RTF1: variants seen among roughly 807,000 people sequenced by gnomAD.
RTF1 encodes the protein RTF1 homolog, Paf1/RNA polymerase II complex component.
In RTF1, 10 loss-of-function variants were observed where a neutral mutation model predicts 95.7. That is an observed-to-expected ratio of 0.10 (90% CI 0.06 to 0.18). The LOEUF is 0.18. RTF1 is among the 10% of genes least tolerant of loss of function. RTF1 has a pLI of 1.00. For missense variants in RTF1, 458 were observed against 875.6 expected (o/e 0.52, Z 6.02); for synonymous variants, 305 against 311.8 (o/e 0.98, Z 0.23).
intron 14 of RTF1, among the ~76,000 whole-genome samples, chr15:41,477,749 G>T (rs1176044681): frequency 6.6e-6 from 1 of 152,138 alleles, no homozygotes; most frequent in Non-Finnish European, 1.5e-5. Flanking sequence ...ACAGGTATTT[G>T]TTTTTTCTCA....
At chr15:41,474,073 C>A (rs1328328685) in intron 8 of RTF1, among the ~76,000 whole-genome samples, 1 of 152,056 alleles carries the variant, frequency 6.6e-6, no homozygotes, top group Non-Finnish European at 1.5e-5. Flanking sequence ...GACTGGGTCT[C>A]TCTGTGTTGC....
At chr15:41,425,703 A>G (rs989519924) in intron 1 of RTF1, among the ~76,000 whole-genome samples, 1 of 152,200 alleles carries the variant, frequency 6.6e-6, no homozygotes, top group Non-Finnish European at 1.5e-5. Context: ...TATTTATTAA[A>G]TGAAGGACTG....
At chr15:41,443,389 G>A (rs970401792) in intron 2 of RTF1, among the ~76,000 whole-genome samples, 5 of 152,194 alleles carry the variant, frequency 3.3e-5, no homozygotes, top group Non-Finnish European at 7.3e-5. Context: ...GGAGGCACAT[G>A]TAAAACTAAG....
chr15:41,449,273 C>T (rs555767630), intron 2 of RTF1, among the ~76,000 whole-genome samples: 3 of 143,530 alleles, frequency 2.1e-5, no homozygotes, highest in Non-Finnish European at 4.5e-5. Context: ...CTCTGTTGCC[C>T]AGGCTGGAGT....
chr15:41,441,711 C>G (rs1324563113), intron 2 of RTF1, among the ~76,000 whole-genome samples: 1 of 152,176 alleles, frequency 6.6e-6, no homozygotes, highest in African/African-American at 2.4e-5. Context: ...AAGCTGACAG[C>G]AAGCTCCACC....
intron 3 of RTF1, among the ~76,000 whole-genome samples, chr15:41,454,938 C>T (rs1055026438): frequency 6.6e-6 from 1 of 152,130 alleles, no homozygotes; most frequent in African/African-American, 2.4e-5. Flanking sequence ...TTTTCATCAC[C>T]ACCTCACAGA....
chr15:41,427,359 G>T (rs958412038), intron 1 of RTF1, among the ~76,000 whole-genome samples: 1 of 151,368 alleles, frequency 6.6e-6, no homozygotes, highest in African/African-American at 2.4e-5. Context: ...CACCGTGTTA[G>T]CCAGGATGGT....
chr15:41,458,173 C>T lies in RTF1; in HGVS notation c.662+297C>T, dbSNP rs2050828727. The stretch of plus-strand genomic sequence containing the variant: ...CTGTGAAGTTGGTTATACCATATTA[C>T]AGAGGTAGACGCTTAGGCTTAGAGA... On this transcript the variant is annotated intron_variant, in intron 4 of 17. Transcript: ENST00000389629. Among the ~76,000 whole-genome samples the T allele has an allele frequency of 2.6e-5, 4 of 152,316 alleles. No individual in the cohort carries two copies. In the South Asian group the frequency reaches 8.3e-4, roughly 32 times the overall value.
At chr15:41,455,336 G>A (rs2050807788) in intron 3 of RTF1, among the ~76,000 whole-genome samples, 1 of 151,564 alleles carries the variant, frequency 6.6e-6, no homozygotes, top group Admixed American at 6.6e-5. Context: ...AAGAAAATGT[G>A]TATGTATGCC....
At chr15:41,476,135 C>A (rs2050940925) in intron 11 of RTF1, among the ~76,000 whole-genome samples, 1 of 152,144 alleles carries the variant, frequency 6.6e-6, no homozygotes, top group African/African-American at 2.4e-5. Flanking sequence ...TTTTCCTTTT[C>A]TAAAACATCT....
intron 5 of RTF1, among the ~76,000 whole-genome samples, chr15:41,465,318 C>T (rs975564394): frequency 2.0e-5 from 3 of 152,062 alleles, no homozygotes; most frequent in African/African-American, 7.2e-5. Flanking sequence ...GCATATGCTA[C>T]CGTGCCCGGC....
intron 2 of RTF1, among the ~76,000 whole-genome samples, chr15:41,451,965 A>G (rs2050791225): frequency 6.6e-6 from 1 of 152,142 alleles, no homozygotes; most frequent in Non-Finnish European, 1.5e-5. Context: ...TAGGAGGCTC[A>G]GGTGAGAGGA....
chr15:41,429,518 A>G lies in RTF1; in HGVS notation c.199-8803A>G, dbSNP rs139193382. Among the ~76,000 whole-genome samples, 9 of 151,714 alleles carry G rather than the reference A, an allele frequency of 5.9e-5. No individual in the cohort carries two copies. In the East Asian group the frequency reaches 1.7e-3, roughly 29 times the overall value. On this transcript the variant is annotated intron_variant, in intron 1 of 17. Coordinates refer to ENST00000389629, the MANE Select transcript of RTF1 (RefSeq NM_015138.5). ...TGGATTGGGTTACTCCCCTGCTTCA[A>G]ACCATTTGATGGCTTCCCACTGCCT...
At chr15:41,456,421 G>A (rs923856367) in intron 3 of RTF1, among the ~76,000 whole-genome samples, 4 of 151,824 alleles carry the variant, frequency 2.6e-5, no homozygotes, top group Non-Finnish European at 5.9e-5. Flanking sequence ...CCCGAGAGGC[G>A]GAGCTTGCGC....
chr15:41,471,520 T>C (rs1387104089), intron 8 of RTF1, among the ~76,000 whole-genome samples, 171 bp downstream of exon 8: 2 of 152,162 alleles, frequency 1.3e-5, no homozygotes, highest in African/African-American at 4.8e-5. Context: ...CTTCATGACT[T>C]GTTGCCAAGA....
rs1163172037 is a variant in RTF1, at chr15:41,436,648, G to A, written c.199-1673G>A. On this transcript the variant is annotated intron_variant, in intron 1 of 17. Coordinates refer to ENST00000389629, the MANE Select transcript of RTF1 (RefSeq NM_015138.5). Reference sequence around the variant, plus strand: ...CAAAAAAAAAAAAAAAAAAAAATTAGCCAGGCATGGTGGCATTCTCCTGTA... The same window carrying A: ...CAAAAAAAAAAAAAAAAAAAAATTAACCAGGCATGGTGGCATTCTCCTGTA... 3.3e-4 allele frequency among the ~76,000 whole-genome samples: 49 copies of A among 147,772 alleles called. No individual in the cohort carries two copies. The Admixed American group carries it at 3.3e-3, about 10-fold the overall frequency.
chr15:41,438,497 C>T (rs2050716423), intron 2 of RTF1, 66 bp downstream of exon 2: 1 of 1,017,702 alleles, frequency 9.8e-7, no homozygotes, highest in African/African-American at 1.6e-5. Flanking sequence ...TTGGTGGCTC[C>T]TGTTGGCCTC....
intron 2 of RTF1, among the ~76,000 whole-genome samples, chr15:41,439,354 C>G (rs2050721375): frequency 6.6e-6 from 1 of 152,048 alleles, no homozygotes; most frequent in Non-Finnish European, 1.5e-5. Flanking sequence ...CTTTTTGAGT[C>G]ATCTTTTTAA....
chr15:41,439,036 C>CTTT, intron 2 of RTF1, among the ~76,000 whole-genome samples: 1 of 92,302 alleles, frequency 1.1e-5, no homozygotes, highest in East Asian at 3.2e-4. Context: ...CTTTTATTTT[C>CTTT]TTTTTTTTTT....
Sources: allele counts gnomAD v4.1 joint callset (sites outside exome capture counted in the v4.1 genomes callset), GRCh38; gene constraint gnomAD v4.1.1; transcripts MANE v1.5; gene names NCBI Gene and HGNC (gene_info 2026-07-23, HGNC 2026-07-21).